TTLL6: variants seen among roughly 807,000 people sequenced by gnomAD.
TTLL6 encodes the protein tubulin tyrosine ligase like 6, also known as tubulin polyglutamylase TTLL6.
A neutral mutation model predicts 96.4 loss-of-function variants in TTLL6; 75 were observed. That is an observed-to-expected ratio of 0.78 (90% CI 0.65 to 0.94). The LOEUF is 0.94. TTLL6 is among the 40% of genes least tolerant of loss of function. TTLL6 has a pLI of 0.00. For synonymous variants in TTLL6, 411 were observed against 419.4 expected, an observed-to-expected ratio of 0.98 and a Z score of 0.24; for missense variants, 1,030 against 1,093.0, an observed-to-expected ratio of 0.94 and a Z score of 0.81.
intron 13 of TTLL6, among the ~76,000 whole-genome samples, chr17:48,775,988 C>G (rs988766138): frequency 6.6e-6 from 1 of 152,122 alleles, no homozygotes; most frequent in African/African-American, 2.4e-5. Context: ...AAATCAGAAA[C>G]AAGACAAAGA....
intron 10 of TTLL6, among the ~76,000 whole-genome samples, chr17:48,788,908 C>T (rs952269326): frequency 6.6e-6 from 1 of 152,168 alleles, no homozygotes; most frequent in African/African-American, 2.4e-5. Context: ...TAGACTGGTT[C>T]TGCCCATGAG....
Position 48,797,193 on chromosome 17 carries a change from A to G in TTLL6, c.780T>C (p.Ile260=). The G allele has an allele frequency of 6.4e-7, 1 of 1,550,506 alleles. No homozygotes were observed. The highest frequency in any genetic ancestry group is 2.0e-5 in the Admixed American group (1 of 50,748). Residue 260 remains isoleucine (I), a synonymous_variant, in exon 7 of 16, where the codon ATT becomes ATC. Coordinates refer to ENST00000393382, the MANE Select transcript of TTLL6 (RefSeq NM_001130918.3). ...TCCGTAGGTCAAACTTAAACCCATC[A>G]ATGATAAAGGGCTGGAAGGAGAGAA... ...CQLYISKPFI[I]DGFKFDLRIY...
chr17:48,784,852 G>C, intron 13 of TTLL6, 71 bp downstream of exon 13: 1 of 1,380,786 alleles, frequency 7.2e-7, no homozygotes, highest in South Asian at 1.2e-5. Context: ...GTCACAGCAA[G>C]TTGGGGGTAG....
At chr17:48,770,121 T>C (rs765069222) in intron 13 of TTLL6, 24 bp from the exon 14 acceptor site, 24 of 1,568,016 alleles carry the variant, frequency 1.5e-5, no homozygotes, top group Non-Finnish European at 2.1e-5. Context: ...CAGTTCAAAA[T>C]GAGACTGTGG....
Position 48,762,782 on chromosome 17 carries a change from C to A in TTLL6, c.*192G>T. ...ATGGTCCTGTAGCACTGTAAGCTAA[C>A]TGGGAGGGAACAGAGGCAGGGCTGT... is the stretch of plus-strand genomic sequence containing the variant. On this transcript the variant is annotated 3_prime_UTR_variant, in exon 16 of 16. Coordinates refer to ENST00000393382, the MANE Select transcript of TTLL6 (RefSeq NM_001130918.3). The A allele has an allele frequency of 2.6e-6, 1 of 391,084 alleles. No individual in the cohort carries two copies. The highest frequency in any genetic ancestry group is 1.9e-5 in the South Asian group (1 of 51,710). The allele number at this position is 391,084 out of a possible 1,614,324, so 24.2% of individuals were successfully genotyped here. A position where few individuals can be genotyped will look rare whatever the true frequency, so the allele number is the denominator to read the frequency against.
At chr17:48,775,591 G>A (rs966286079) in intron 13 of TTLL6, among the ~76,000 whole-genome samples, 19 of 150,864 alleles carry the variant, frequency 1.3e-4, no homozygotes, top group Admixed American at 2.0e-4. Context: ...GCCCAGGCTG[G>A]AGTGCAATGG....
In TTLL6 at chr17:48,817,148, G is replaced by T; in HGVS notation, c.-76C>A. The T allele has an allele frequency of 8.6e-7, 1 of 1,158,214 alleles. No individual in the cohort carries two copies. The allele number at this position is 1,158,214 out of a possible 1,614,324, so 71.7% of individuals were successfully genotyped here. On this transcript the variant is annotated 5_prime_UTR_variant, in exon 1 of 16. Coordinates refer to ENST00000393382, the MANE Select transcript of TTLL6 (RefSeq NM_001130918.3). Reference sequence around the variant, plus strand: ...CCGCCCGGCCCTCATATTTGCATACGGGGCCTTCTAGGCCTTCGATTGGCC... The same window carrying T: ...CCGCCCGGCCCTCATATTTGCATACTGGGCCTTCTAGGCCTTCGATTGGCC...
chr17:48,772,940 C>G (rs937804934), intron 13 of TTLL6, among the ~76,000 whole-genome samples: 1 of 123,868 alleles, frequency 8.1e-6, no homozygotes, highest in African/African-American at 3.2e-5. Flanking sequence ...GAAGGTTGAG[C>G]CTGCAGTAAG....
At chr17:48,788,024 T>C in intron 10 of TTLL6, 25 bp from the exon 11 acceptor site, 1 of 1,604,166 alleles carries the variant, frequency 6.2e-7, no homozygotes, top group Non-Finnish European at 8.5e-7. Flanking sequence ...AACATGGGGC[T>C]GCTGTCAGGT....
intron 10 of TTLL6, 97 bp downstream of exon 10, chr17:48,789,834 G>C (rs2039182418): frequency 7.5e-7 from 1 of 1,330,912 alleles, no homozygotes; most frequent in Admixed American, 2.3e-5. Context: ...TGGGATTACA[G>C]GTGTGAGCCA....
At chr17:48,802,077 AAAAAG>A (rs1190620733) in intron 3 of TTLL6, among the ~76,000 whole-genome samples, 11 of 110,070 alleles carry the variant, frequency 1.0e-4, no homozygotes, top group Admixed American at 3.1e-4. Flanking sequence ...AGAAAGAAAG[AAAAAG>A]AAAGAAAGAA....
At chr17:48,792,332 G>C (rs1432118000) in intron 8 of TTLL6, among the ~76,000 whole-genome samples, 1 of 152,238 alleles carries the variant, frequency 6.6e-6, no homozygotes, top group Admixed American at 6.5e-5. Context: ...ATTACAGAGA[G>C]AGGATGGATG....
At chr17:48,796,264 G>A (rs1278313696) in intron 7 of TTLL6, 118 bp from the exon 8 acceptor site, 1 of 757,360 alleles carries the variant, frequency 1.3e-6, no homozygotes, top group Non-Finnish European at 2.1e-6. Context: ...GGAAGTTTTA[G>A]GGCTTATTTA....
chr17:48,796,966 C>T (rs1349383320), intron 7 of TTLL6, 95 bp downstream of exon 7: 2 of 1,365,626 alleles, frequency 1.5e-6, no homozygotes, highest in African/African-American at 1.5e-5. Context: ...ACAAATGACA[C>T]TCACAATGTC....
chr17:48,785,344 T>G, intron 12 of TTLL6, 143 bp from the exon 13 acceptor site: 2 of 1,252,082 alleles, frequency 1.6e-6, no homozygotes, highest in Non-Finnish European at 2.2e-6. Context: ...TGTGGGGCTC[T>G]CAACTTGGAA....
At chr17:48,775,417 A>C (rs1013578054) in intron 13 of TTLL6, among the ~76,000 whole-genome samples, 10 of 151,880 alleles carry the variant, frequency 6.6e-5, no homozygotes, top group African/African-American at 2.4e-4. Flanking sequence ...CAATATTGAA[A>C]AATCAATCAG....
At chr17:48,779,388 C>T (rs142866740) in intron 13 of TTLL6, among the ~76,000 whole-genome samples, 10 of 132,928 alleles carry the variant, frequency 7.5e-5, no homozygotes, top group African/African-American at 1.9e-4. Context: ...AGACAGATAA[C>T]GCCAAAACGT....
intron 8 of TTLL6, among the ~76,000 whole-genome samples, chr17:48,795,047 G>C (rs888368725): frequency 9.9e-5 from 15 of 152,146 alleles, no homozygotes; most frequent in African/African-American, 3.4e-4. Flanking sequence ...TCAAGAATAG[G>C]CCGGGCGCGG....
intron 1 of TTLL6, among the ~76,000 whole-genome samples, chr17:48,814,356 C>T (rs1237135181): frequency 7.2e-6 from 1 of 139,472 alleles, no homozygotes; most frequent in Non-Finnish European, 1.6e-5. Context: ...AAGAGCTGTA[C>T]TACCAATGTA....
Sources: allele counts gnomAD v4.1 joint callset (sites outside exome capture counted in the v4.1 genomes callset), GRCh38; gene constraint gnomAD v4.1.1; transcripts MANE v1.5; gene names NCBI Gene and HGNC (gene_info 2026-07-23, HGNC 2026-07-21).